UNG: variants seen among roughly 807,000 people sequenced by gnomAD.
UNG encodes the protein uracil-DNA glycosylase.
Under a neutral mutation model 36.5 loss-of-function variants are expected in UNG, and 34 were observed. That is an observed-to-expected ratio of 0.93 (90% CI 0.71 to 1.24). UNG has a LOEUF of 1.24. Ranked by LOEUF, UNG falls within the 50% of genes most tolerant of loss-of-function variation. UNG has a pLI of 0.00. For missense variants in UNG, 391 were observed against 397.6 expected (o/e 0.98, Z 0.14); for synonymous variants, 172 against 157.8 (o/e 1.09, Z -0.67).
intron 6 of UNG, among the ~76,000 whole-genome samples, chr12:109,105,676 G>C (rs1047528045): frequency 6.6e-6 from 1 of 152,184 alleles, no homozygotes; most frequent in African/African-American, 2.4e-5. Flanking sequence ...TGTCCAGCCA[G>C]ATCTATTACT....
intron 6 of UNG, among the ~76,000 whole-genome samples, chr12:109,108,974 A>G (rs2042239276): frequency 3.3e-5 from 5 of 152,272 alleles, no homozygotes; most frequent in South Asian, 2.1e-4. Flanking sequence ...AATGAGTTAC[A>G]TGAGGTACTA....
rs1475180395 is a variant in UNG at position 109,099,562 on chromosome 12, ATGG to A, written c.435+287_435+289del. Among the ~76,000 whole-genome samples, 12 of 152,144 alleles carry A rather than the reference ATGG, an allele frequency of 7.9e-5. 1 individual carries two copies. Among genetic ancestry groups the A allele is most frequent in the Admixed American group, 7.9e-4 (12 of 15,266 alleles). On this transcript the variant is annotated intron_variant, in intron 3 of 6. Transcript: ENST00000242576. ...CTAACCTCCCGCGGTGTCAGATGTT[ATGG>A]TGGTGGTGAAGTTCAAACTGACACA...
At position 109,108,798 on chromosome 12, in the gene UNG, CTT is replaced by C. The variant is rs558737162; in HGVS notation, c.802-1027_802-1026del. Reference sequence around the variant, plus strand: ...GGTGCATGCCATCACACTTGGCTAACTTTTTAATTTTTTTGTAGAGATGGGGT... The same window carrying C: ...GGTGCATGCCATCACACTTGGCTAACTTTAATTTTTTTGTAGAGATGGGGT... On this transcript the variant is annotated intron_variant, in intron 6 of 6. Coordinates refer to ENST00000242576, the MANE Select transcript of UNG (RefSeq NM_080911.3). 1.8e-3 allele frequency among the ~76,000 whole-genome samples: 281 copies of C among 152,220 alleles called. 2 individuals carry two copies. Among genetic ancestry groups the C allele is most frequent in the African/African-American group, 6.3e-3 (262 of 41,536 alleles).
At chr12:109,102,132 T>A in intron 4 of UNG, 133 bp downstream of exon 4, 1 of 799,120 alleles carries the variant, frequency 1.3e-6, no homozygotes, top group East Asian at 2.7e-5. Flanking sequence ...TCAGCACCAT[T>A]GACATTTGGG....
intron 6 of UNG, among the ~76,000 whole-genome samples, chr12:109,108,659 C>T (rs2042236550): frequency 6.6e-6 from 1 of 151,766 alleles, no homozygotes; most frequent in South Asian, 2.1e-4. Context: ...AAAAAAAGAT[C>T]TTGCTCTGTC....
chr12:109,109,947 C>T lies in UNG; in HGVS notation c.920C>T (p.Pro307Leu), dbSNP rs768307082. 6.2e-7 allele frequency: 1 copy of T among 1,614,116 alleles called. No homozygotes were observed. Among genetic ancestry groups the T allele is most frequent in the Non-Finnish European group, 8.5e-7 (1 of 1,180,032 alleles). ...CTGCTGCAGAAGTCTGGCAAGAAGC[C>T]CATTGACTGGAAGGAGCTGTGATCA... is the stretch of plus-strand genomic sequence containing the variant. ...NELLQKSGKKPIDWKEL is the reference protein window; with the variant it reads ...NELLQKSGKKLIDWKEL Residue 307 changes from proline (P) to leucine (L), a missense_variant, in exon 7 of 7, where the codon CCC (proline) becomes CTC (leucine). Physicochemically the swap from Pro to Leu is moderately conservative, Grantham distance 98. Coordinates refer to ENST00000242576, the MANE Select transcript of UNG (RefSeq NM_080911.3).
At chr12:109,102,160 TGTG>T (rs1348782225) in intron 4 of UNG, among the ~76,000 whole-genome samples, 161 bp downstream of exon 4, 1 of 152,206 alleles carries the variant, frequency 6.6e-6, no homozygotes, top group Non-Finnish European at 1.5e-5. Context: ...CATTCTTTGT[TGTG>T]GAGGAGGAGA....
chr12:109,098,328 T>G (rs780091913), intron 1 of UNG, 104 bp from the exon 2 acceptor site: 1 of 1,599,600 alleles, frequency 6.3e-7, no homozygotes, highest in South Asian at 1.1e-5. Flanking sequence ...GTTCCACAAA[T>G]GGGCGTCTTC....
At chr12:109,099,127 T>C in intron 2 of UNG, 62 bp from the exon 3 acceptor site, 2 of 1,460,974 alleles carry the variant, frequency 1.4e-6, no homozygotes, top group South Asian at 2.3e-5. Flanking sequence ...GAAGCTTTCT[T>C]ATTGAATTCT....
intron 1 of UNG, chr12:109,098,047 C>T (rs2042144937): frequency 1.5e-6 from 2 of 1,362,980 alleles, no homozygotes; most frequent in South Asian, 1.7e-5. Context: ...CGCCGCAGGC[C>T]CTCCTGGCTC....
At chr12:109,109,157 CCCCA>C in intron 6 of UNG, among the ~76,000 whole-genome samples, 1 of 152,144 alleles carries the variant, frequency 6.6e-6, no homozygotes, top group Non-Finnish European at 1.5e-5. Context: ...AAGATGTTAA[CCCCA>C]TCCATTGTGT....
chr12:109,107,376 T>A (rs1337666344), intron 6 of UNG, among the ~76,000 whole-genome samples: 1 of 150,096 alleles, frequency 6.7e-6, no homozygotes, highest in Admixed American at 6.6e-5. Context: ...AATTTTTGTA[T>A]TTTTTTTTGT....
At chr12:109,102,093 C>T in intron 4 of UNG, 94 bp downstream of exon 4, 1 of 1,135,780 alleles carries the variant, frequency 8.8e-7, no homozygotes, top group Non-Finnish European at 1.3e-6. Flanking sequence ...GGGCACTGTT[C>T]ACTAGCCTTG....
At chr12:109,102,795 T>A (rs1196591973) in intron 4 of UNG, 44 bp from the exon 5 acceptor site, 2 of 1,499,574 alleles carry the variant, frequency 1.3e-6, no homozygotes, top group Admixed American at 1.7e-5. Flanking sequence ...TTCAAAATTA[T>A]GCTTAAGATT....
chr12:109,107,304 A>C (rs2042224988), intron 6 of UNG, among the ~76,000 whole-genome samples: 1 of 151,920 alleles, frequency 6.6e-6, no homozygotes, highest in Non-Finnish European at 1.5e-5. Flanking sequence ...AGGCTCAAGC[A>C]ATCCTCCCAC....
intron 2 of UNG, 134 bp downstream of exon 2, chr12:109,098,772 A>C (rs1387440664): frequency 1.7e-6 from 2 of 1,169,896 alleles, no homozygotes; most frequent in Admixed American, 2.5e-5. Flanking sequence ...TTACTCACAA[A>C]GGGGGTAAAA....
At chr12:109,100,735 T>G (rs1296424351) in intron 3 of UNG, among the ~76,000 whole-genome samples, 1 of 152,196 alleles carries the variant, frequency 6.6e-6, no homozygotes, top group Non-Finnish European at 1.5e-5. Flanking sequence ...GGGAGAGTTG[T>G]TTCACAAGAG....
Position 109,101,893 on chromosome 12 carries a change from G to A in UNG, c.436-9G>A. ...TATTGTTTAATTCCTGACCCCTGGT[G>A]GTTCACAGGTGAAGGTTGTCATCCT... On this transcript the variant is annotated splice_polypyrimidine_tract_variant and intron_variant, in intron 3 of 6. Transcript: ENST00000242576. 1 of 1,612,440 alleles carries A rather than the reference G, an allele frequency of 6.2e-7. No homozygotes were observed. Among genetic ancestry groups the A allele is most frequent in the Non-Finnish European group, 8.5e-7 (1 of 1,178,714 alleles).
Position 109,102,873 on chromosome 12 carries a change from A to G in UNG, c.568A>G (p.Ile190Val), listed in dbSNP as rs746843730. 1.9e-6 allele frequency: 3 copies of G among 1,613,590 alleles called. No individual in the cohort carries two copies. In the Admixed American group the frequency reaches 5.0e-5, roughly 27 times the overall value. The part of the protein sequence containing the change: ...ENIYKELSTD[I>V]EDFVHPGHGD... Reference sequence around the variant, plus strand: ...CATTTATAAAGAGTTGTCTACAGACATAGAGGATTTTGTTCATCCTGGCCA... The same window carrying G: ...CATTTATAAAGAGTTGTCTACAGACGTAGAGGATTTTGTTCATCCTGGCCA... Residue 190 changes from isoleucine to valine, a missense_variant, in exon 5 of 7, where the codon ATA becomes GTA. Transcript: ENST00000242576.
Sources: allele counts gnomAD v4.1 joint callset (sites outside exome capture counted in the v4.1 genomes callset), GRCh38; gene constraint gnomAD v4.1.1; transcripts MANE v1.5; gene names NCBI Gene and HGNC (gene_info 2026-07-23, HGNC 2026-07-21).